TENM1: variants seen among roughly 807,000 people sequenced by gnomAD.
TENM1 encodes the protein teneurin transmembrane protein 1.
Under a neutral mutation model 174.8 loss-of-function variants are expected in TENM1, and 35 were observed. That is an observed-to-expected ratio of 0.20 (90% CI 0.15 to 0.27). TENM1 has a LOEUF of 0.27. TENM1 is among the 10% of genes least tolerant of loss of function. The probability of loss-of-function intolerance (pLI) is 1.00; values close to 1 mark genes in which losing one functional copy is unlikely to be tolerated. For missense variants in TENM1, 1,633 were observed against 2,130.1 expected, an observed-to-expected ratio of 0.77 and a Z score of 4.59; for synonymous variants, 781 against 798.7, an observed-to-expected ratio of 0.98 and a Z score of 0.37.
At chrX:124,565,404 G>C (rs1468061657) in exon 12 of TENM1, 3 of 1,202,445 alleles carry the variant, frequency 2.5e-6, no homozygotes, top group African/African-American at 3.5e-5. Context: ...CTCCCATCCA[G>C]GGCTACACTC....
At chrX:124,790,343 T>C (rs990036145) in intron 3 of TENM1, among the ~76,000 whole-genome samples, 13 of 112,389 alleles carry the variant, frequency 1.2e-4, no homozygotes, top group Non-Finnish European at 2.3e-4. Flanking sequence ...AGGCTTTCAT[T>C]TGGAATGTAT....
At chrX:124,746,564 C>T (rs1273822690) in intron 3 of TENM1, among the ~76,000 whole-genome samples, 1 of 111,401 alleles carries the variant, frequency 9.0e-6, no homozygotes, top group Non-Finnish European at 1.9e-5. Context: ...CTTATCTCCC[C>T]GGACTCACTC....
chrX:124,941,248 C>G (rs138167218), intron 1 of TENM1, among the ~76,000 whole-genome samples: 5,030 of 111,717 alleles, frequency 0.045, 248 homozygotes, highest in African/African-American at 0.15. Flanking sequence ...CAATAAACTC[C>G]TAAATGCCAA....
chrX:124,850,946 ACTT>A (rs2056708361), intron 3 of TENM1, among the ~76,000 whole-genome samples: 1 of 111,576 alleles, frequency 9.0e-6, no homozygotes, highest in East Asian at 2.8e-4. Context: ...ATTAACTTAA[ACTT>A]CTGAATAAAG....
chrX:124,916,460 A>G (rs2057926633), intron 1 of TENM1, among the ~76,000 whole-genome samples: 1 of 111,047 alleles, frequency 9.0e-6, no homozygotes, highest in Non-Finnish European at 1.9e-5. Context: ...GGTGTACATC[A>G]CTATGCCCAA....
At chrX:125,123,477 T>C in the TENM1 span, among the ~76,000 whole-genome samples, 1 of 109,500 alleles carries the variant, frequency 9.1e-6, no homozygotes, top group Admixed American at 9.8e-5. Context: ...GGAGTGGTGG[T>C]GTGCACCTGT....
At position 124,862,686 on chromosome X, in the gene TENM1, A is replaced by T. The variant is rs148416382; in HGVS notation, c.535+31610T>A. Among the ~76,000 whole-genome samples, 622 of 110,517 alleles carry T rather than the reference A, an allele frequency of 5.6e-3. 4 individuals are homozygous for T. The highest frequency in any genetic ancestry group is 0.02 in the African/African-American group (595 of 30,337). ...GTGCCTCCAAGTAAACCTGAATGAC[A>T]ATCTAGGCCATAAGGACTGCAACTC... On this transcript the variant is annotated intron_variant, in intron 3 of 31. Transcript: ENST00000422452.
intron 23 of TENM1, among the ~76,000 whole-genome samples, chrX:124,443,816 C>T (rs1273343014): frequency 9.0e-6 from 1 of 111,708 alleles, no homozygotes; most frequent in East Asian, 2.8e-4. Context: ...GACACCTTTA[C>T]AGATAAGTTG....
rs191389353 is a variant in TENM1 at position 124,890,486 on chromosome X, C to A, written c.535+3810G>T. 4.4e-3 allele frequency among the ~76,000 whole-genome samples: 495 copies of A among 111,928 alleles called. 4 individuals are homozygous for A. The highest frequency in any genetic ancestry group is 0.016 in the African/African-American group (479 of 30,880). On this transcript the variant is annotated intron_variant, in intron 3 of 31. Transcript: ENST00000422452. Reference sequence around the variant, plus strand: ...GAAGCTCAAACAACTCAATAGGAAACAAAAATTAAATAATCTGATTTTAAA... The same window carrying A: ...GAAGCTCAAACAACTCAATAGGAAAAAAAAATTAAATAATCTGATTTTAAA...
intron 11 of TENM1, among the ~76,000 whole-genome samples, chrX:124,628,125 T>C (rs2050679262): frequency 8.9e-6 from 1 of 111,766 alleles, no homozygotes; most frequent in Non-Finnish European, 1.9e-5. Flanking sequence ...TGTCTTATTA[T>C]TGCCAAAAAG....
chrX:124,648,612 CTT>C (rs1004077926), intron 8 of TENM1, among the ~76,000 whole-genome samples: 5 of 112,122 alleles, frequency 4.5e-5, no homozygotes, highest in Non-Finnish European at 7.5e-5. Flanking sequence ...CATAAAGAGA[CTT>C]TTTATCATTC....
At chrX:124,763,599 T>C (rs1159683640) in intron 3 of TENM1, among the ~76,000 whole-genome samples, 1 of 111,509 alleles carries the variant, frequency 9.0e-6, no homozygotes, top group African/African-American at 3.3e-5. Context: ...GAGTTGCAAC[T>C]ACTAAATGTC....
chrX:124,612,005 T>C (rs913990027), intron 11 of TENM1, among the ~76,000 whole-genome samples: 1 of 112,335 alleles, frequency 8.9e-6, no homozygotes, highest in African/African-American at 3.2e-5. Flanking sequence ...AAAATATGAT[T>C]TTTTCAGAAA....
chrX:124,395,002 G>A (rs1259671983), intron 27 of TENM1, among the ~76,000 whole-genome samples: 1 of 111,465 alleles, frequency 9.0e-6, no homozygotes, highest in Non-Finnish European at 1.9e-5. Context: ...AGAACCCTAT[G>A]AGTGAAATTA....
chrX:125,176,483 C>T, the TENM1 span, among the ~76,000 whole-genome samples: 1 of 111,320 alleles, frequency 9.0e-6, no homozygotes, highest in African/African-American at 3.3e-5. Context: ...AGTTTAGGCT[C>T]TCAGGGACAA....
At chrX:124,745,964 G>A (rs1014595085) in intron 3 of TENM1, among the ~76,000 whole-genome samples, 2 of 111,258 alleles carry the variant, frequency 1.8e-5, no homozygotes, top group Admixed American at 1.9e-4. Context: ...TAAGAAGTAT[G>A]AGCAGGAAAG....
the TENM1 span, among the ~76,000 whole-genome samples, chrX:125,121,138 G>A: frequency 9.0e-6 from 1 of 111,719 alleles, no homozygotes. Flanking sequence ...AACGTGACAA[G>A]GTTTATAGTC....
At position 124,600,210 on chromosome X, in the gene TENM1, C is replaced by A. The variant is rs754503956; in HGVS notation, c.2078-34650G>T. Among the ~76,000 whole-genome samples, 3 of 109,983 alleles carry A rather than the reference C, an allele frequency of 2.7e-5. No individual in the cohort carries two copies. The South Asian group carries it at 1.2e-3, about 45-fold the overall frequency. On this transcript the variant is annotated intron_variant, in intron 11 of 31. Transcript: ENST00000422452. ...AGCCTCCTTAGAGAAATGCCTGATTCCAGGCACAGGGCAGGGAAAGTGCAA... is the reference window on the plus strand; with the variant it reads ...AGCCTCCTTAGAGAAATGCCTGATTACAGGCACAGGGCAGGGAAAGTGCAA...
chrX:124,389,160 T>A (rs1423885033), intron 28 of TENM1, among the ~76,000 whole-genome samples: 1 of 112,037 alleles, frequency 8.9e-6, no homozygotes, highest in Non-Finnish European at 1.9e-5. Context: ...TTTCTCCTAA[T>A]GGCTACAACC....
Sources: allele counts gnomAD v4.1 joint callset (sites outside exome capture counted in the v4.1 genomes callset), GRCh38; gene constraint gnomAD v4.1.1; transcripts MANE v1.5; gene names NCBI Gene and HGNC (gene_info 2026-07-23, HGNC 2026-07-21).